Variants in FBXL17 observed in about 807,000 individuals in gnomAD.
The protein encoded by FBXL17 is F-box and leucine rich repeat protein 17, also known as F-box/LRR-repeat protein 17.
In FBXL17, 22 loss-of-function variants were observed where a neutral mutation model predicts 66.2. That is an observed-to-expected ratio of 0.33 (90% confidence interval 0.24 to 0.47). The LOEUF (loss-of-function observed/expected upper bound fraction) is 0.47. Among genes scored for constraint, FBXL17 ranks in the 20% least tolerant of loss-of-function variants. The pLI, the probability that FBXL17 is intolerant of heterozygous loss-of-function variation, is 1.00. For missense variants in FBXL17, 878 were observed against 948.2 expected (o/e 0.93, Z 0.97); for synonymous variants, 474 against 400.5 (o/e 1.18, Z -2.19).
chr5:107,956,366 C>G (rs1169226520), intron 7 of FBXL17, among the ~76,000 whole-genome samples: 1 of 152,144 alleles, frequency 6.6e-6, no homozygotes, highest in Non-Finnish European at 1.5e-5. Flanking sequence ...TTCAGAACCA[C>G]TGCTATAGAA....
intron 7 of FBXL17, among the ~76,000 whole-genome samples, chr5:107,972,867 T>C (rs190527776): frequency 1.5e-4 from 23 of 152,342 alleles, no homozygotes; most frequent in African/African-American, 4.8e-4. Context: ...TAAAAGCTTA[T>C]ACAATGCCAA....
chr5:108,270,801 A>C (rs927745286), intron 4 of FBXL17, among the ~76,000 whole-genome samples: 1 of 152,142 alleles, frequency 6.6e-6, no homozygotes, highest in Non-Finnish European at 1.5e-5. Context: ...TATTATGTTG[A>C]AATAATTGAA....
At chr5:108,239,752 C>T (rs1755771087) in intron 4 of FBXL17, among the ~76,000 whole-genome samples, 1 of 151,960 alleles carries the variant, frequency 6.6e-6, no homozygotes, top group Non-Finnish European at 1.5e-5. Context: ...GTGCTTGTAC[C>T]ACCCCTTCCT....
chr5:108,153,310 A>G (rs1002143896), intron 6 of FBXL17, among the ~76,000 whole-genome samples: 1 of 152,246 alleles, frequency 6.6e-6, no homozygotes, highest in African/African-American at 2.4e-5. Flanking sequence ...AAAAATTTCT[A>G]TTTTATTATT....
chr5:108,149,297 A>G (rs1232276163), intron 6 of FBXL17, among the ~76,000 whole-genome samples: 1 of 152,222 alleles, frequency 6.6e-6, no homozygotes, highest in Non-Finnish European at 1.5e-5. Flanking sequence ...AAAATCTTTT[A>G]ATTTTTTATT....
At chr5:107,914,610 G>A (rs1457368006) in intron 7 of FBXL17, among the ~76,000 whole-genome samples, 2 of 152,228 alleles carry the variant, frequency 1.3e-5, no homozygotes, top group African/African-American at 4.8e-5. Flanking sequence ...GGCCACAGTG[G>A]TGGGTGGGCA....
chr5:108,361,065 A>G (rs1748311078), intron 3 of FBXL17, among the ~76,000 whole-genome samples: 1 of 152,026 alleles, frequency 6.6e-6, no homozygotes, highest in South Asian at 2.1e-4. Context: ...CTTTAGTAAA[A>G]TCTTTAGTAA....
rs567310256 is a variant in FBXL17, at chr5:107,859,254, T to C, written c.*2466A>G. Reference sequence around the variant, plus strand: ...CCTGCATTAAACGTGTTCACATGTATTTATGACATTCTAAGCAAAAAAAAG... The same window carrying C: ...CCTGCATTAAACGTGTTCACATGTACTTATGACATTCTAAGCAAAAAAAAG... On this transcript the variant is annotated 3_prime_UTR_variant, in exon 9 of 9. Coordinates refer to ENST00000542267, the MANE Select transcript of FBXL17 (RefSeq NM_001163315.3). 6.6e-5 allele frequency: 10 copies of C among 152,226 alleles called. No individual in the cohort carries two copies. Among genetic ancestry groups the C allele is most frequent in the South Asian group, 6.2e-4 (3 of 4,814 alleles). 9.4% of individuals were successfully genotyped at this position (152,226 alleles called of 1,614,324 possible).
intron 7 of FBXL17, among the ~76,000 whole-genome samples, chr5:107,939,632 G>A (rs1751028143): frequency 1.3e-5 from 2 of 152,106 alleles, no homozygotes; most frequent in South Asian, 4.2e-4. Context: ...GTCAGAGTAC[G>A]GAGGATCACC....
At chr5:108,042,115 G>T (rs961349673) in intron 6 of FBXL17, among the ~76,000 whole-genome samples, 1 of 152,056 alleles carries the variant, frequency 6.6e-6, no homozygotes, top group Non-Finnish European at 1.5e-5. Context: ...GGCTGGTCTC[G>T]AACTCCTGAC....
chr5:108,124,792 T>C (rs1473464045), intron 6 of FBXL17, among the ~76,000 whole-genome samples: 1 of 152,090 alleles, frequency 6.6e-6, no homozygotes, highest in Non-Finnish European at 1.5e-5. Flanking sequence ...AAATCTCTTC[T>C]GTGCATCAAT....
At chr5:108,064,891 G>A (rs1748058562) in intron 6 of FBXL17, among the ~76,000 whole-genome samples, 2 of 152,108 alleles carry the variant, frequency 1.3e-5, no homozygotes, top group South Asian at 4.2e-4. Flanking sequence ...CCTTCCAGCA[G>A]AGGATCTCAT....
At chr5:107,909,201 G>T (rs1049079436) in intron 7 of FBXL17, among the ~76,000 whole-genome samples, 5 of 152,124 alleles carry the variant, frequency 3.3e-5, no homozygotes, top group African/African-American at 4.8e-5. Context: ...CGTTTTGAAG[G>T]CTCATTATTA....
chr5:107,918,809 A>G (rs529384289), intron 7 of FBXL17, among the ~76,000 whole-genome samples: 1 of 152,284 alleles, frequency 6.6e-6, no homozygotes, highest in Non-Finnish European at 1.5e-5. Flanking sequence ...TTGATTCCCA[A>G]TGCTTAGCCT....
In FBXL17 at chr5:107,923,687, T is replaced by G. The variant is rs553872492; in HGVS notation, c.1823-42508A>C. Among the ~76,000 whole-genome samples, 21 of 152,252 alleles carry G rather than the reference T, an allele frequency of 1.4e-4. No individual in the cohort carries two copies. The South Asian group carries it at 4.4e-3, about 32-fold the overall frequency. Reference sequence around the variant, plus strand: ...TTAAGCTAGAAAGGGTCAATATTGTTCCCTAAAACACTAGGGTACTTGATA... The same window carrying G: ...TTAAGCTAGAAAGGGTCAATATTGTGCCCTAAAACACTAGGGTACTTGATA... On this transcript the variant is annotated intron_variant, in intron 7 of 8. Transcript: ENST00000542267.
Position 108,381,006 on chromosome 5 carries a change from C to A in FBXL17, c.686G>T (p.Gly229Val). 1.7e-6 allele frequency: 2 copies of A among 1,189,056 alleles called. No homozygotes were observed. The highest frequency in any genetic ancestry group is 2.1e-6 in the Non-Finnish European group (2 of 960,788). 73.7% of individuals were successfully genotyped at this position (1,189,056 alleles called of 1,614,324 possible). Residue 229 changes from glycine (G) to valine (V), a missense_variant, in exon 1 of 9, where the codon GGG (glycine) becomes GTG (valine). Physicochemically the swap from Gly to Val is moderately radical, Grantham distance 109 (BLOSUM62 -3). Coordinates refer to ENST00000542267, the MANE Select transcript of FBXL17 (RefSeq NM_001163315.3). ...GCGGGGGGGG[G>V]GGPAGGGASP... ...AGCGCCTCCCCCCGCAGGCCCTCCC[C>A]CGCCACCGCCGCCGCCGCCGCCGCC... is the stretch of plus-strand genomic sequence containing the variant.
chr5:108,170,112 C>T (rs1488715795), intron 6 of FBXL17, among the ~76,000 whole-genome samples: 1 of 151,642 alleles, frequency 6.6e-6, no homozygotes, highest in Non-Finnish European at 1.5e-5. Context: ...GTGCACAATA[C>T]AATATTAAAA....
At position 108,381,687 on chromosome 5, in the gene FBXL17, C is replaced by G; in HGVS notation, c.5G>C (p.Gly2Ala). The change falls in exon 1 of 9, where the codon GGC (glycine) becomes GCC (alanine). Residue 2 changes from glycine (G) to alanine (A), a missense_variant. Around this residue, in one of 4 missense-constraint regions of FBXL17, gnomAD observed 605 missense variants for 509.5 expected, o/e 1.19. Coordinates refer to ENST00000542267, the MANE Select transcript of FBXL17 (RefSeq NM_001163315.3). ...ACGCGGCTCCTTCGAGAGAAGGTGG[C>G]CCATATAGAAGGCCCCGAGGAGGGG... M[G>A]HLLSKEPRNR... 6.8e-7 allele frequency: 1 copy of G among 1,469,634 alleles called. No individual in the cohort carries two copies. The highest frequency in any genetic ancestry group is 2.4e-5 in the Admixed American group (1 of 41,622). 91.0% of individuals were successfully genotyped at this position (1,469,634 alleles called of 1,614,324 possible).
chr5:107,996,131 G>A (rs181692042), intron 7 of FBXL17, among the ~76,000 whole-genome samples: 3 of 152,190 alleles, frequency 2.0e-5, no homozygotes, highest in East Asian at 1.9e-4. Context: ...CCTAATACAC[G>A]CCATGCCTGA....
Sources: allele counts gnomAD v4.1 joint callset (sites outside exome capture counted in the v4.1 genomes callset), GRCh38; gene constraint gnomAD v4.1.1; regional missense constraint gnomAD v4.1.1; transcripts MANE v1.5; gene names NCBI Gene and HGNC (gene_info 2026-07-23, HGNC 2026-07-21).